Variants in KIF13B observed in about 807,000 individuals in gnomAD.
KIF13B encodes the protein kinesin-like protein KIF13B.
Under a neutral mutation model 222.0 loss-of-function variants are expected in KIF13B, and 127 were observed. That is an observed-to-expected ratio of 0.57 (90% CI 0.50 to 0.66). KIF13B has a LOEUF of 0.66. Ranked by LOEUF, KIF13B falls within the 30% of genes least tolerant of loss-of-function variation. KIF13B has a pLI of 0.00. For missense variants in KIF13B, 2,173 were observed against 2,379.0 expected (o/e 0.91, Z 1.80); for synonymous variants, 976 against 919.0 (o/e 1.06, Z -1.12).
intron 31 of KIF13B, among the ~76,000 whole-genome samples, chr8:29,116,044 A>G (rs962562032): frequency 1.3e-5 from 2 of 152,166 alleles, no homozygotes; most frequent in African/African-American, 4.8e-5. Flanking sequence ...TACCTACACA[A>G]ATCAACTTGG....
At chr8:29,251,056 C>T (rs969487206) in intron 1 of KIF13B, among the ~76,000 whole-genome samples, 3 of 151,774 alleles carry the variant, frequency 2.0e-5, no homozygotes, top group South Asian at 2.1e-4. Flanking sequence ...GAGGCCAAGG[C>T]GGAAGAATCA....
intron 37 of KIF13B, among the ~76,000 whole-genome samples, chr8:29,086,400 A>C (rs958595711): frequency 6.6e-6 from 1 of 152,188 alleles, no homozygotes; most frequent in South Asian, 2.1e-4. Flanking sequence ...ACATACCTTT[A>C]GTCCCAGCTA....
Position 29,165,761 on chromosome 8 carries a change from A to T in KIF13B, c.1170T>A (p.Ser390=). Residue 390 remains serine, a synonymous_variant, in exon 12 of 40, where the codon TCT becomes TCA. Transcript: ENST00000524189. ...EQLTKAEAMK[S]PELKDRLEES... ...CTTCCAGCCGGTCCTTTAGCTCTGG[A>T]GATTTCATTGCCTACAAGCAAAATG... The T allele has an allele frequency of 6.2e-7, 1 of 1,611,878 alleles. No homozygotes were observed. Among genetic ancestry groups the T allele is most frequent in the Non-Finnish European group, 8.5e-7 (1 of 1,178,016 alleles).
At chr8:29,173,800 C>A (rs1563760536) in intron 10 of KIF13B, among the ~76,000 whole-genome samples, 1 of 151,748 alleles carries the variant, frequency 6.6e-6, no homozygotes, top group Non-Finnish European at 1.5e-5. Context: ...AAAAATTAGC[C>A]AGGTGTGGCG....
intron 19 of KIF13B, among the ~76,000 whole-genome samples, chr8:29,141,464 T>C (rs1169896981): frequency 6.6e-6 from 1 of 152,154 alleles, no homozygotes; most frequent in African/African-American, 2.4e-5. Flanking sequence ...ATCACCTAAC[T>C]ATAAGAAACA....
chr8:29,111,805 G>A (rs1025088761), intron 32 of KIF13B, among the ~76,000 whole-genome samples: 2 of 152,114 alleles, frequency 1.3e-5, no homozygotes, highest in Non-Finnish European at 2.9e-5. Flanking sequence ...TGAAACAACT[G>A]GAAAATATAG....
chr8:29,160,259 T>C (rs190541356), intron 13 of KIF13B, among the ~76,000 whole-genome samples: 1 of 152,232 alleles, frequency 6.6e-6, no homozygotes, highest in Non-Finnish European at 1.5e-5. Context: ...TTTAATAGAT[T>C]GATAACCCAA....
chr8:29,088,281 A>G (rs974928903), intron 37 of KIF13B, among the ~76,000 whole-genome samples: 5 of 152,150 alleles, frequency 3.3e-5, no homozygotes, highest in African/African-American at 1.2e-4. Context: ...AAAAAATTAT[A>G]TATTTTAAAG....
At chr8:29,254,316 T>G (rs1478804746) in intron 1 of KIF13B, among the ~76,000 whole-genome samples, 1 of 152,140 alleles carries the variant, frequency 6.6e-6, no homozygotes, top group Admixed American at 6.5e-5. Flanking sequence ...CAACTAAAAA[T>G]AAACTGGACT....
intron 4 of KIF13B, among the ~76,000 whole-genome samples, chr8:29,188,916 G>A (rs922493435): frequency 2.6e-5 from 4 of 152,104 alleles, no homozygotes; most frequent in Non-Finnish European, 4.4e-5. Flanking sequence ...ATTTATACTT[G>A]GGACCCAGGT....
At chr8:29,103,791 C>A (rs1200812746) in intron 35 of KIF13B, among the ~76,000 whole-genome samples, 2 of 152,078 alleles carry the variant, frequency 1.3e-5, no homozygotes, top group East Asian at 3.9e-4. Context: ...TTTCCTCTCG[C>A]CTCCCACGTC....
chr8:29,232,280 TA>T (rs1179626944), intron 2 of KIF13B, among the ~76,000 whole-genome samples: 1 of 150,300 alleles, frequency 6.7e-6, no homozygotes. Flanking sequence ...ATTAATTAAT[TA>T]AAAATAAATA....
intron 2 of KIF13B, among the ~76,000 whole-genome samples, chr8:29,233,996 A>G (rs1815397843): frequency 6.6e-6 from 1 of 152,264 alleles, no homozygotes. Flanking sequence ...TTTGAACACT[A>G]CATCAAGAAT....
intron 12 of KIF13B, among the ~76,000 whole-genome samples, 159 bp downstream of exon 12, chr8:29,165,503 T>C (rs1811953440): frequency 6.6e-6 from 1 of 152,198 alleles, no homozygotes; most frequent in African/African-American, 2.4e-5. Context: ...TTCAAATTAA[T>C]TTTGCAAAGT....
At chr8:29,226,191 T>A (rs1388179637) in intron 2 of KIF13B, among the ~76,000 whole-genome samples, 1 of 152,114 alleles carries the variant, frequency 6.6e-6, no homozygotes, top group Admixed American at 6.6e-5. Context: ...GAGAAGGTCC[T>A]GGCAGCACAG....
At position 29,108,213 on chromosome 8, in the gene KIF13B, GGTTA is replaced by G. The variant is rs748751736; in HGVS notation, c.4162-25_4162-22del. ...GACAACTGAAGAAGAAAGAAAGGGGGGTTAGTTATTTATGCATCAGAGCATACAC... is the reference window on the plus strand; with the variant it reads ...GACAACTGAAGAAGAAAGAAAGGGGGGTTATTTATGCATCAGAGCATACAC... On this transcript the variant is annotated intron_variant, in intron 34 of 39. Coordinates refer to ENST00000524189, the MANE Select transcript of KIF13B (RefSeq NM_015254.4). 6.8e-6 allele frequency: 11 copies of G among 1,608,156 alleles called. No individual in the cohort carries two copies. In the African/African-American group the frequency reaches 1.1e-4, roughly 16 times the overall value.
At chr8:29,230,178 A>T (rs1815222951) in intron 2 of KIF13B, among the ~76,000 whole-genome samples, 1 of 152,144 alleles carries the variant, frequency 6.6e-6, no homozygotes, top group South Asian at 2.1e-4. Flanking sequence ...GGGAGGTGAT[A>T]TAAACTTCCA....
Position 29,263,056 on chromosome 8 carries a change from G to T in KIF13B, c.-22C>A. The T allele has an allele frequency of 3.8e-6, 6 of 1,579,868 alleles. No individual in the cohort carries two copies. The highest frequency in any genetic ancestry group is 4.3e-6 in the Non-Finnish European group (5 of 1,164,588). ...CCATCCTGCAGCCGCCGAGGAACTC[G>T]TTCGGCTTCCGTCTGCCGCGGCCAC... On this transcript the variant is annotated 5_prime_UTR_variant, in exon 1 of 40. Coordinates refer to ENST00000524189, the MANE Select transcript of KIF13B (RefSeq NM_015254.4).
chr8:29,088,624 A>C (rs1229115049), intron 37 of KIF13B, among the ~76,000 whole-genome samples: 3 of 152,256 alleles, frequency 2.0e-5, no homozygotes, highest in Non-Finnish European at 4.4e-5. Flanking sequence ...ATGGAACTCC[A>C]TTATAACAAA....
Sources: gnomAD v4.1 joint callset for allele counts (sites outside exome capture counted in the v4.1 genomes callset) on GRCh38, gnomAD v4.1.1 for gene constraint, MANE v1.5 for transcripts, NCBI Gene and HGNC (gene_info 2026-07-23, HGNC 2026-07-21) for gene names.